THRB: variants seen among roughly 807,000 people sequenced by gnomAD.
THRB encodes thyroid hormone receptor beta.
THRB carries 12 observed loss-of-function variants against 47.8 expected under a neutral mutation model. The ratio of observed to expected loss-of-function variants is 0.25; its 90% CI spans 0.16 to 0.41. THRB has a LOEUF of 0.41. Ranked by LOEUF, THRB falls within the 10% of genes least tolerant of loss-of-function variation. THRB has a pLI of 1.00. For synonymous variants in THRB, 218 were observed against 212.2 expected (o/e 1.03, Z -0.24); for missense variants, 348 against 589.2 (o/e 0.59, Z 4.24).
intron 3 of THRB, among the ~76,000 whole-genome samples, chr3:24,263,092 G>A (rs769585055): frequency 2.6e-4 from 39 of 152,130 alleles, no homozygotes; most frequent in Non-Finnish European, 3.5e-4. Flanking sequence ...AAACATAATA[G>A]AAGGGGACAT....
intron 1 of THRB, among the ~76,000 whole-genome samples, chr3:24,485,680 G>A (rs1186918893): frequency 6.6e-6 from 1 of 152,160 alleles, no homozygotes; most frequent in African/African-American, 2.4e-5. Context: ...CTTTGCACAT[G>A]AGTCAGGCTG....
rs910755060 is a variant in THRB, at chr3:24,173,948, G to A, written c.283+16126C>T. The stretch of plus-strand genomic sequence containing the variant: ...CTAAACTCAGTGTGTCAGATTCTGT[G>A]TTGGGTGTTTATATGCATCATCTTA... On this transcript the variant is annotated intron_variant, in intron 5 of 10. Coordinates refer to ENST00000646209, the MANE Select transcript of THRB (RefSeq NM_001354712.2). 2.0e-5 allele frequency among the ~76,000 whole-genome samples: 3 copies of A among 152,132 alleles called. No homozygotes were observed. The East Asian group carries it at 5.8e-4, about 29-fold the overall frequency.
intron 1 of THRB, among the ~76,000 whole-genome samples, chr3:24,482,538 C>CCT (rs10575358): frequency 0.11 from 14,902 of 130,736 alleles, 1,064 homozygotes; most frequent in African/African-American, 0.22. Flanking sequence ...TTTCTGTCTC[C>CCT]CTCTCTCTCT....
chr3:24,382,430 T>C (rs1026832841), intron 1 of THRB, among the ~76,000 whole-genome samples: 2 of 152,078 alleles, frequency 1.3e-5, no homozygotes, highest in Admixed American at 6.6e-5. Flanking sequence ...TGGATAAAGA[T>C]TATGAACAAG....
intron 1 of THRB, among the ~76,000 whole-genome samples, chr3:24,451,264 C>T (rs1054617562): frequency 1.4e-3 from 182 of 130,218 alleles, no homozygotes; most frequent in Non-Finnish European, 1.7e-3. Flanking sequence ...GACAGAGTCT[C>T]GCTGTGTCAC....
chr3:24,320,756 C>T (rs1168518435), intron 2 of THRB, among the ~76,000 whole-genome samples: 1 of 152,038 alleles, frequency 6.6e-6, no homozygotes, highest in Non-Finnish European at 1.5e-5. Context: ...ATTTCCAGTC[C>T]CTCAAGAAGT....
intron 2 of THRB, among the ~76,000 whole-genome samples, chr3:24,328,553 C>G (rs1171917457): frequency 3.3e-5 from 5 of 152,196 alleles, no homozygotes; most frequent in Non-Finnish European, 5.9e-5. Context: ...GCTTAAGACA[C>G]AAACCCAGGA....
intron 2 of THRB, among the ~76,000 whole-genome samples, chr3:24,314,757 G>A (rs528378919): frequency 6.6e-6 from 1 of 152,214 alleles, no homozygotes; most frequent in South Asian, 2.1e-4. Flanking sequence ...CCTCTACAGA[G>A]CCATTCTTTG....
chr3:24,384,943 A>T (rs1035472437), intron 1 of THRB, among the ~76,000 whole-genome samples: 1 of 152,146 alleles, frequency 6.6e-6, no homozygotes, highest in Non-Finnish European at 1.5e-5. Flanking sequence ...CCATGGGAAA[A>T]GTCATTGAGC....
In THRB at chr3:24,373,856, G is replaced by A. The variant is rs539329493; in HGVS notation, c.-260-36485C>T. On this transcript the variant is annotated intron_variant, in intron 1 of 10. Transcript: ENST00000646209. ...GCCATACTGCAACCATTCATACACT[G>A]CTGAGTGTTCAAACTGTGTTCAAAT... Among the ~76,000 whole-genome samples, 8 of 152,220 alleles carry A rather than the reference G, an allele frequency of 5.3e-5. No homozygotes were observed. The East Asian group carries it at 1.5e-3, about 29-fold the overall frequency.
chr3:24,338,617 G>A (rs2062424300), intron 1 of THRB, among the ~76,000 whole-genome samples: 1 of 152,142 alleles, frequency 6.6e-6, no homozygotes, highest in Non-Finnish European at 1.5e-5. Context: ...GCGATTGTTG[G>A]TTATGTGTGG....
chr3:24,454,611 A>T (rs1340160877), intron 1 of THRB, among the ~76,000 whole-genome samples: 1 of 152,232 alleles, frequency 6.6e-6, no homozygotes, highest in East Asian at 1.9e-4. Flanking sequence ...GGTGTGGCTT[A>T]ACTAAGAGTA....
chr3:24,389,353 G>A (rs911189317), intron 1 of THRB, among the ~76,000 whole-genome samples: 2 of 152,126 alleles, frequency 1.3e-5, no homozygotes, highest in African/African-American at 2.4e-5. Flanking sequence ...CAGTCAAAAC[G>A]CAAGAGTTGA....
In THRB at chr3:24,127,684, C is replaced by T. The variant is rs121918693; in HGVS notation, c.959G>A (p.Arg320His). ...MEIMSLRAAVRYDPESETLTL... is the reference protein window; with the variant it reads ...MEIMSLRAAVHYDPESETLTL... ...TAAAGTCTCACTTTCTGGGTCATAG[C>T]GCACAGCAGCGCGAAGGGACATGAT... is the stretch of plus-strand genomic sequence containing the variant. The change falls in exon 10 of 11, where the codon CGC becomes CAC. Residue 320 changes from arginine (R) to histidine (H), a missense_variant. Physicochemically the swap from Arg to His is conservative, Grantham distance 29 (BLOSUM62 0). Coordinates refer to ENST00000646209, the MANE Select transcript of THRB (RefSeq NM_001354712.2). 1.2e-6 allele frequency: 2 copies of T among 1,614,186 alleles called. No individual in the cohort carries two copies. The highest frequency in any genetic ancestry group is 1.7e-6 in the Non-Finnish European group (2 of 1,180,028).
rs1051294532 is a variant in THRB, at chr3:24,155,348, C to T, written c.284-2858G>A. Among the ~76,000 whole-genome samples, 3 of 152,184 alleles carry T rather than the reference C, an allele frequency of 2.0e-5. No individual in the cohort carries two copies. In the East Asian group the frequency reaches 5.8e-4, roughly 29 times the overall value. ...AAACATCTACTTAAGTTGGTGGCAG[C>T]TACTTACATGATCATACTAGTGCAC... is the stretch of plus-strand genomic sequence containing the variant. On this transcript the variant is annotated intron_variant, in intron 5 of 10. Transcript: ENST00000646209.
chr3:24,450,296 A>G (rs963089952), intron 1 of THRB, among the ~76,000 whole-genome samples: 4 of 152,224 alleles, frequency 2.6e-5, no homozygotes, highest in Admixed American at 1.3e-4. Context: ...ATTCCTGCAG[A>G]GAGGCAGGTA....
chr3:24,415,918 T>A (rs867313516), intron 1 of THRB, among the ~76,000 whole-genome samples: 1 of 151,798 alleles, frequency 6.6e-6, no homozygotes, highest in African/African-American at 2.4e-5. Context: ...ACGGACCCAG[T>A]TAATGCTTAA....
chr3:24,467,688 T>C (rs1186754559), intron 1 of THRB, among the ~76,000 whole-genome samples: 1 of 152,186 alleles, frequency 6.6e-6, no homozygotes, highest in Non-Finnish European at 1.5e-5. Flanking sequence ...TTCTGAGTAG[T>C]AGGTCTCAAC....
intron 3 of THRB, among the ~76,000 whole-genome samples, chr3:24,285,225 A>G (rs1247959417): frequency 1.3e-5 from 2 of 151,766 alleles, no homozygotes; most frequent in East Asian, 3.9e-4. Flanking sequence ...AATGTGGCAC[A>G]TATACACCAT....
Sources: gnomAD v4.1 joint callset for allele counts (sites outside exome capture counted in the v4.1 genomes callset) on GRCh38, gnomAD v4.1.1 for gene constraint, MANE v1.5 for transcripts, NCBI Gene and HGNC (gene_info 2026-07-23, HGNC 2026-07-21) for gene names.